The following OCA2 variants were observed in gnomAD, a reference collection of about 807,000 sequenced individuals.
The protein encoded by OCA2 is P protein.
Under a neutral mutation model 100.2 loss-of-function variants are expected in OCA2, and 77 were observed. The observed-to-expected ratio is 0.77, with a 90% confidence interval of 0.64 to 0.93. The LOEUF (loss-of-function observed/expected upper bound fraction) is 0.93. OCA2 is among the 40% of genes least tolerant of loss of function. The probability of loss-of-function intolerance (pLI) is 0.00; values close to 1 mark genes in which losing one functional copy is unlikely to be tolerated. For missense variants in OCA2, 1,062 were observed against 1,089.1 expected, an observed-to-expected ratio of 0.98 and a Z score of 0.35; for synonymous variants, 432 against 439.2, an observed-to-expected ratio of 0.98 and a Z score of 0.21.
chr15:27,864,632 T>C (rs952667060), intron 21 of OCA2, among the ~76,000 whole-genome samples: 2 of 151,898 alleles, frequency 1.3e-5, no homozygotes, highest in African/African-American at 2.4e-5. Flanking sequence ...AGAGGCTGGG[T>C]GACAGCATAG....
chr15:27,828,584 G>A (rs1327701293), intron 23 of OCA2, among the ~76,000 whole-genome samples: 1 of 152,184 alleles, frequency 6.6e-6, no homozygotes, highest in East Asian at 1.9e-4. Context: ...GTCCTGTTGA[G>A]TGTAGCTAGA....
chr15:28,096,402 G>T (rs1416838996), intron 1 of OCA2, among the ~76,000 whole-genome samples: 2 of 152,206 alleles, frequency 1.3e-5, no homozygotes, highest in African/African-American at 2.4e-5. Flanking sequence ...GGAGCCTGGC[G>T]GTGTCCGCAG....
rs74608843 is a variant in OCA2, at chr15:27,870,875, T to C, written c.2244+279A>G. Among the ~76,000 whole-genome samples, 2,387 of 150,760 alleles carry C rather than the reference T, an allele frequency of 0.016. 56 individuals carry two copies. Among genetic ancestry groups the C allele is most frequent in the African/African-American group, 0.052 (2,092 of 40,206 alleles). Reference sequence around the variant, plus strand: ...GCAAGCAAGCAAGCACAGCCTTTTCTGGGAGGGGTGGCAGCTCTCAGTGGG... The same window carrying C: ...GCAAGCAAGCAAGCACAGCCTTTTCCGGGAGGGGTGGCAGCTCTCAGTGGG... On this transcript the variant is annotated intron_variant, in intron 21 of 23. Coordinates refer to ENST00000354638, the MANE Select transcript of OCA2 (RefSeq NM_000275.3).
chr15:28,038,276 T>C (rs1450464265), intron 2 of OCA2, among the ~76,000 whole-genome samples: 1 of 152,112 alleles, frequency 6.6e-6, no homozygotes, highest in Non-Finnish European at 1.5e-5. Flanking sequence ...AAGGCAGATC[T>C]GAGGAAGAAA....
At chr15:27,788,547 T>C (rs188520778) in intron 23 of OCA2, among the ~76,000 whole-genome samples, 8 of 152,246 alleles carry the variant, frequency 5.3e-5, no homozygotes, top group African/African-American at 1.9e-4. Flanking sequence ...ATTCCATTTA[T>C]CTTTTTCCTT....
At chr15:27,752,815 C>G (rs940595363), downstream of OCA2, among the ~76,000 whole-genome samples, 53 of 84,034 alleles carry the variant, frequency 6.3e-4, 1 homozygote, top group Non-Finnish European at 1.1e-3. Context: ...CCCCCCCCCC[C>G]CAGAGGCCCA....
chr15:27,785,492 A>T (rs1459085048), intron 23 of OCA2, among the ~76,000 whole-genome samples: 1 of 152,230 alleles, frequency 6.6e-6, no homozygotes, highest in Non-Finnish European at 1.5e-5. Flanking sequence ...ACTCAATATT[A>T]CTAATCATTA....
At chr15:27,827,558 A>G (rs945194551) in intron 23 of OCA2, among the ~76,000 whole-genome samples, 8 of 147,604 alleles carry the variant, frequency 5.4e-5, no homozygotes, top group African/African-American at 1.2e-4. Context: ...TCATTTAAGG[A>G]AAAAAAAAAA....
chr15:27,989,580 C>T (rs769009058), intron 11 of OCA2, 21 bp downstream of exon 11: 51 of 1,611,144 alleles, frequency 3.2e-5, no homozygotes, highest in Non-Finnish European at 4.2e-5. Context: ...AGCCCAGTCC[C>T]ACGGGGAGAG....
intron 23 of OCA2, among the ~76,000 whole-genome samples, chr15:27,776,099 AGTCT>A (rs1293140962): frequency 6.6e-6 from 1 of 152,176 alleles, no homozygotes; most frequent in African/African-American, 2.4e-5. Flanking sequence ...TAGCCTTTGT[AGTCT>A]GTCACCCATG....
At chr15:28,013,805 G>T (rs1472181041) in intron 9 of OCA2, among the ~76,000 whole-genome samples, 1 of 152,112 alleles carries the variant, frequency 6.6e-6, no homozygotes, top group Non-Finnish European at 1.5e-5. Context: ...TCACAGGGTG[G>T]TCATGGGAAC....
chr15:27,973,361 C>T (rs1025562420), intron 14 of OCA2, among the ~76,000 whole-genome samples: 5 of 152,074 alleles, frequency 3.3e-5, no homozygotes, highest in African/African-American at 4.8e-5. Context: ...TATTGTATAT[C>T]GTGAGAGATA....
At chr15:28,015,621 T>A (rs2141235919) in intron 8 of OCA2, among the ~76,000 whole-genome samples, 1 of 152,112 alleles carries the variant, frequency 6.6e-6, no homozygotes, top group East Asian at 1.9e-4. Flanking sequence ...GGAGAGGCCT[T>A]GGGAGAAACT....
chr15:27,969,944 AT>A (rs1233188343), intron 14 of OCA2, among the ~76,000 whole-genome samples: 1 of 151,720 alleles, frequency 6.6e-6, no homozygotes, highest in Non-Finnish European at 1.5e-5. Flanking sequence ...GTTTAGCTGA[AT>A]CTATTGAATA....
chr15:27,865,640 G>C (rs562817717), intron 21 of OCA2, among the ~76,000 whole-genome samples: 3 of 152,262 alleles, frequency 2.0e-5, no homozygotes, highest in East Asian at 1.9e-4. Context: ...TTACTCTAAG[G>C]GTGTTTGGTT....
rs374443938 is a variant in OCA2, at chr15:28,069,672, G to C, written c.227+11976C>G. ...GCCAACCTCGGCCTCCCGAGGTGCC[G>C]GGATTGCAGACGGAGTCTCGTTCAC... On this transcript the variant is annotated intron_variant, in intron 2 of 23. Coordinates refer to ENST00000354638, the MANE Select transcript of OCA2 (RefSeq NM_000275.3). 3.4e-5 allele frequency among the ~76,000 whole-genome samples: 5 copies of C among 146,364 alleles called. 1 individual carries two copies. The highest frequency in any genetic ancestry group is 1.3e-4 in the African/African-American group (5 of 37,656).
At chr15:27,803,602 G>A (rs2151184924) in intron 23 of OCA2, among the ~76,000 whole-genome samples, 1 of 152,314 alleles carries the variant, frequency 6.6e-6, no homozygotes, top group Admixed American at 6.5e-5. Context: ...GGGAGTTCGT[G>A]TTTAAGGGGT....
At chr15:27,747,693 A>G in the OCA2 span, among the ~76,000 whole-genome samples, 1 of 152,220 alleles carries the variant, frequency 6.6e-6, no homozygotes, top group Non-Finnish European at 1.5e-5. Flanking sequence ...ACTCTCTCCA[A>G]TTTGAAATTA....
chr15:28,068,574 C>T (rs553190329), intron 2 of OCA2, among the ~76,000 whole-genome samples: 4 of 152,344 alleles, frequency 2.6e-5, no homozygotes, highest in Admixed American at 1.3e-4. Context: ...AGGAGGGGCT[C>T]TGCCCCAACT....
Sources: allele counts gnomAD v4.1 joint callset (sites outside exome capture counted in the v4.1 genomes callset), GRCh38; gene constraint gnomAD v4.1.1; transcripts MANE v1.5; gene names NCBI Gene and HGNC (gene_info 2026-07-23, HGNC 2026-07-21).